PSMA1: variants seen among roughly 807,000 people sequenced by gnomAD.
PSMA1 encodes the protein proteasome 20S subunit alpha 1.
In PSMA1, 3 loss-of-function variants were observed where a neutral mutation model predicts 38.4. The ratio of observed to expected loss-of-function variants is 0.08; its 90% CI spans 0.04 to 0.20. PSMA1 has a LOEUF of 0.20. Among genes scored for constraint, PSMA1 ranks in the 10% least tolerant of loss-of-function variants. The pLI, the probability that PSMA1 is intolerant of heterozygous loss-of-function variation, is 1.00. For synonymous variants in PSMA1, 101 were observed against 107.1 expected, an observed-to-expected ratio of 0.94 and a Z score of 0.35; for missense variants, 227 against 325.3, an observed-to-expected ratio of 0.70 and a Z score of 2.32.
intron 2 of PSMA1, among the ~76,000 whole-genome samples, chr11:14,582,734 T>C (rs547202211): frequency 6.6e-6 from 1 of 151,884 alleles, no homozygotes; most frequent in South Asian, 2.1e-4. Flanking sequence ...TTTCACCATG[T>C]TGGCCAGGTT....
chr11:14,576,765 T>G (rs1294521985), intron 2 of PSMA1, among the ~76,000 whole-genome samples: 2 of 152,230 alleles, frequency 1.3e-5, no homozygotes, highest in African/African-American at 4.8e-5. Context: ...CAATGCAGGC[T>G]CTGTTTTGGT....
At position 14,639,281 on chromosome 11, in the gene PSMA1, G is replaced by A. The variant is rs542432673; in HGVS notation, c.-166+4174C>T. On this transcript the variant is annotated intron_variant, in intron 1 of 10. Coordinates refer to the PSMA1 transcript ENST00000418988. ...ATCTAGGAAAAAGGGTTCTTTTAGT[G>A]ATTTGGTGCAAATGAATGTTAAGAA... 7.2e-5 allele frequency among the ~76,000 whole-genome samples: 11 copies of A among 152,224 alleles called. No individual in the cohort carries two copies. The South Asian group carries it at 2.3e-3, about 32-fold the overall frequency.
At position 14,505,042 on chromosome 11, in the gene PSMA1, G is replaced by A. The variant is rs1423564883; in HGVS notation, c.*150C>T. ...CCATTATATAGGTTTCAGTGAGGTT[G>A]CTTGGAAAAAACTCACATCTGGACT... On this transcript the variant is annotated 3_prime_UTR_variant, in exon 10 of 10. Coordinates refer to ENST00000396394, the MANE Select transcript of PSMA1 (RefSeq NM_002786.4). 1 of 709,466 alleles carries A rather than the reference G, an allele frequency of 1.4e-6. No individual in the cohort carries two copies. Among genetic ancestry groups the A allele is most frequent in the Non-Finnish European group, 2.5e-6 (1 of 398,364 alleles). The allele number at this position is 709,466 out of a possible 1,614,324, so 43.9% of individuals were successfully genotyped here.
chr11:14,510,241 G>C (rs1479793368), intron 8 of PSMA1, among the ~76,000 whole-genome samples: 1 of 151,738 alleles, frequency 6.6e-6, no homozygotes, highest in Non-Finnish European at 1.5e-5. Flanking sequence ...TAAATACTAG[G>C]GCCTTTGCAT....
Position 14,551,525 on chromosome 11 carries a change from A to G in PSMA1, c.22-32484T>C, listed in dbSNP as rs1457876295. Among the ~76,000 whole-genome samples, 3 of 152,192 alleles carry G rather than the reference A, an allele frequency of 2.0e-5. No homozygotes were observed. In the East Asian group the frequency reaches 5.8e-4, roughly 29 times the overall value. Reference sequence around the variant, plus strand: ...ATCCAAGTGCTGTCAGGGGGAAGAGAGTCCCAGCCAGCCAAATGCCTCTGA... The same window carrying G: ...ATCCAAGTGCTGTCAGGGGGAAGAGGGTCCCAGCCAGCCAAATGCCTCTGA... On this transcript the variant is annotated intron_variant, in intron 2 of 10. Coordinates refer to the PSMA1 transcript ENST00000418988.
At chr11:14,586,824 G>A (rs1349931943) in intron 2 of PSMA1, among the ~76,000 whole-genome samples, 2 of 151,502 alleles carry the variant, frequency 1.3e-5, no homozygotes, top group Admixed American at 1.3e-4. Context: ...GCAGTGGCAC[G>A]ATCTCGGCTC....
chr11:14,595,736 C>G (rs867592190), intron 2 of PSMA1, among the ~76,000 whole-genome samples: 1 of 152,156 alleles, frequency 6.6e-6, no homozygotes, highest in Non-Finnish European at 1.5e-5. Flanking sequence ...TGCAGAAGCT[C>G]TTGAGTTTAA....
chr11:14,510,891 T>C lies in PSMA1; in HGVS notation c.605A>G (p.Glu202Gly), dbSNP rs1851331414. The C allele has an allele frequency of 7.5e-6, 12 of 1,608,260 alleles. No individual in the cohort carries two copies. Among genetic ancestry groups the C allele is most frequent in the Non-Finnish European group, 1.0e-5 (12 of 1,176,986 alleles). Reference sequence around the variant, plus strand: ...ACTTACCTTTGTAGTCAGGTCCTGTTCTGCAGGAAGCGTCTCTCTTAAGGC... The same window carrying C: ...ACTTACCTTTGTAGTCAGGTCCTGTCCTGCAGGAAGCGTCTCTCTTAAGGC... ...LRALRETLPA[E>G]QDLTTKNVSI... Residue 202 changes from glutamate (E) to glycine (G), a missense_variant, in exon 8 of 10, where the codon GAA becomes GGA. Glu to Gly is a moderately conservative substitution (Grantham distance 98, BLOSUM62 -2). Transcript: ENST00000396394.
intron 2 of PSMA1, among the ~76,000 whole-genome samples, chr11:14,550,131 A>G (rs1851870201): frequency 6.6e-6 from 1 of 152,196 alleles, no homozygotes; most frequent in Non-Finnish European, 1.5e-5. Context: ...ATCTCAAAGG[A>G]CAGAGCTGAA....
At chr11:14,622,299 G>A (rs142634845) in intron 1 of PSMA1, among the ~76,000 whole-genome samples, 1,804 of 152,262 alleles carry the variant, frequency 0.012, 22 homozygotes, top group Non-Finnish European at 0.017. Flanking sequence ...ACATTCCTGT[G>A]GGTTAGATAA....
intron 2 of PSMA1, among the ~76,000 whole-genome samples, chr11:14,547,248 A>G (rs899131639): frequency 2.0e-5 from 3 of 152,208 alleles, no homozygotes; most frequent in African/African-American, 7.2e-5. Flanking sequence ...TTGTTAGAGT[A>G]GTAGGGCCTG....
At position 14,616,600 on chromosome 11, in the gene PSMA1, AATAG is replaced by A. The variant is rs537464065; in HGVS notation, c.-165-5453_-165-5450del. Among the ~76,000 whole-genome samples the A allele has an allele frequency of 5.6e-3, 859 of 152,274 alleles. 8 individuals are homozygous for A. The highest frequency in any genetic ancestry group is 0.019 in the African/African-American group (802 of 41,558). Reference sequence around the variant, plus strand: ...TCAACAAATTGAGAAATAAGATTACAATAGATAAAGGTTAAAATAATAATAATAG... The same window carrying A: ...TCAACAAATTGAGAAATAAGATTACAATAAAGGTTAAAATAATAATAATAG... On this transcript the variant is annotated intron_variant, in intron 1 of 10. Coordinates refer to the PSMA1 transcript ENST00000418988.
chr11:14,529,351 C>T (rs1487687393), intron 2 of PSMA1, among the ~76,000 whole-genome samples: 1 of 152,126 alleles, frequency 6.6e-6, no homozygotes, highest in African/African-American at 2.4e-5. Context: ...TAAAACACAC[C>T]TGGTGGAGTT....
chr11:14,530,845 T>G (rs1475914456), intron 2 of PSMA1, among the ~76,000 whole-genome samples: 2 of 140,306 alleles, frequency 1.4e-5, no homozygotes, highest in Non-Finnish European at 3.0e-5. Flanking sequence ...GAGGTTGCAG[T>G]GAGCCGAGAT....
chr11:14,567,809 A>G (rs1210304061), intron 2 of PSMA1, among the ~76,000 whole-genome samples: 1 of 152,120 alleles, frequency 6.6e-6, no homozygotes, highest in African/African-American at 2.4e-5. Flanking sequence ...TGCTCTTTAC[A>G]ATGATTCCTA....
At chr11:14,636,714 T>C (rs1403992178) in intron 1 of PSMA1, among the ~76,000 whole-genome samples, 1 of 152,226 alleles carries the variant, frequency 6.6e-6, no homozygotes, top group Non-Finnish European at 1.5e-5. Context: ...CCTCTAGTAC[T>C]TCTTATCCTG....
chr11:14,570,789 T>C (rs1852129998), intron 2 of PSMA1, among the ~76,000 whole-genome samples: 1 of 152,188 alleles, frequency 6.6e-6, no homozygotes, highest in Non-Finnish European at 1.5e-5. Flanking sequence ...TTCAGAATAT[T>C]ATCCAGGAGA....
chr11:14,583,587 C>A (rs1292524585), intron 2 of PSMA1, among the ~76,000 whole-genome samples: 4 of 152,200 alleles, frequency 2.6e-5, no homozygotes, highest in Admixed American at 2.6e-4. Context: ...GGCAAACCTG[C>A]AGATGATTAA....
At chr11:14,580,915 C>T (rs952544625) in intron 2 of PSMA1, among the ~76,000 whole-genome samples, 12 of 152,182 alleles carry the variant, frequency 7.9e-5, no homozygotes, top group East Asian at 1.9e-4. Flanking sequence ...GAAGTGGAAT[C>T]GTGTTGGGAT....
Sources: gnomAD v4.1 joint callset for allele counts (sites outside exome capture counted in the v4.1 genomes callset) on GRCh38, gnomAD v4.1.1 for gene constraint, MANE v1.5 for transcripts, NCBI Gene and HGNC (gene_info 2026-07-23, HGNC 2026-07-21) for gene names.